The following CACNA1B variants were observed in gnomAD, a reference collection of about 807,000 sequenced individuals.
CACNA1B encodes calcium voltage-gated channel subunit alpha1 B.
CACNA1B carries 70 observed loss-of-function variants against 247.2 expected under a neutral mutation model. The observed-to-expected ratio is 0.28, with a 90% confidence interval of 0.23 to 0.35. The LOEUF is 0.35. Among genes scored for constraint, CACNA1B ranks in the 10% least tolerant of loss-of-function variants. CACNA1B has a pLI of 1.00. For synonymous variants in CACNA1B, 1,231 were observed against 1,294.4 expected (o/e 0.95, Z 1.05); for missense variants, 2,367 against 3,197.4 (o/e 0.74, Z 6.26).
At chr9:137,883,778 A>G (rs867347813) in intron 3 of CACNA1B, among the ~76,000 whole-genome samples, 2 of 152,104 alleles carry the variant, frequency 1.3e-5, no homozygotes, top group Non-Finnish European at 2.9e-5. Flanking sequence ...CCTGAGCCTT[A>G]TGGTTCCGAG....
intron 10 of CACNA1B, among the ~76,000 whole-genome samples, chr9:137,958,048 C>A (rs1957970561): frequency 1.3e-5 from 2 of 152,236 alleles, no homozygotes; most frequent in Admixed American, 1.3e-4. Flanking sequence ...TCCTCTCTAT[C>A]TGGTACCAGA....
intron 6 of CACNA1B, among the ~76,000 whole-genome samples, chr9:137,944,834 C>A (rs900874307): frequency 2.0e-4 from 30 of 152,144 alleles, no homozygotes; most frequent in Admixed American, 1.4e-3. Flanking sequence ...TTAGCTGGAA[C>A]CCCGAATTTT....
At chr9:138,042,005 A>G (rs1959130195) in intron 20 of CACNA1B, among the ~76,000 whole-genome samples, 1 of 152,280 alleles carries the variant, frequency 6.6e-6, no homozygotes, top group South Asian at 2.1e-4. Flanking sequence ...CCTGGACTCA[A>G]GGGATCCCTC....
chr9:138,067,017 A>G (rs7023278), intron 31 of CACNA1B, among the ~76,000 whole-genome samples: 24,134 of 152,162 alleles, frequency 0.16, 5,448 homozygotes, highest in African/African-American at 0.5. Context: ...AAAATACACG[A>G]TGTAAGGCAG....
chr9:138,061,898 A>C (rs1256139456), intron 31 of CACNA1B, among the ~76,000 whole-genome samples: 1 of 152,226 alleles, frequency 6.6e-6, no homozygotes, highest in African/African-American at 2.4e-5. Flanking sequence ...GTCAGTGGTC[A>C]TGACTGGATC....
At chr9:137,894,614 G>C (rs545673298) in intron 3 of CACNA1B, among the ~76,000 whole-genome samples, 1 of 151,888 alleles carries the variant, frequency 6.6e-6, no homozygotes, top group Non-Finnish European at 1.5e-5. Context: ...TTCACCGTGT[G>C]AGCCAGGATG....
At chr9:138,037,997 C>T (rs1959067800) in intron 20 of CACNA1B, among the ~76,000 whole-genome samples, 1 of 152,178 alleles carries the variant, frequency 6.6e-6, no homozygotes, top group South Asian at 2.1e-4. Flanking sequence ...ACCTCATTAA[C>T]TGCTTGGTTA....
chr9:137,984,104 C>A, intron 12 of CACNA1B, 34 bp from the exon 13 acceptor site: 3 of 1,466,894 alleles, frequency 2.0e-6, no homozygotes, highest in Non-Finnish European at 1.9e-6. Context: ...GGTGCAGATA[C>A]GGTGCACCCA....
chr9:137,948,054 C>A (rs1957818425), intron 6 of CACNA1B, among the ~76,000 whole-genome samples: 1 of 142,890 alleles, frequency 7.0e-6, no homozygotes, highest in Non-Finnish European at 1.5e-5. Flanking sequence ...AATCTCGGCT[C>A]ACTGCAAACT....
At chr9:137,985,439 A>AG (rs1049930985) in intron 13 of CACNA1B, among the ~76,000 whole-genome samples, 1 of 152,186 alleles carries the variant, frequency 6.6e-6, no homozygotes, top group African/African-American at 2.4e-5. Flanking sequence ...ATTTTCTCCC[A>AG]GGAAGTAGGT....
intron 3 of CACNA1B, chr9:137,892,686 T>C: frequency 3.1e-6 from 1 of 320,470 alleles, no homozygotes; most frequent in Non-Finnish European, 6.1e-6. Context: ...CGTCCAAGGG[T>C]GGGGGCTCCT....
Position 138,118,405 on chromosome 9 carries a change from G to A in CACNA1B, c.5914-247G>A, listed in dbSNP as rs1285243236. 3.6e-5 allele frequency among the ~76,000 whole-genome samples: 4 copies of A among 110,878 alleles called. No individual in the cohort carries two copies. In the Admixed American group the frequency reaches 3.7e-4, roughly 10 times the overall value. 72.7% of individuals were successfully genotyped at this position (110,878 alleles called of 152,430 possible). ...CATGTGAGACTAGGGTGGGGGACAT[G>A]TGAGACTTGGGTGGGGGATGTGTGA... On this transcript the variant is annotated intron_variant, in intron 43 of 46. Transcript: ENST00000371372.
chr9:137,986,437 G>T lies in CACNA1B; in HGVS notation c.1794G>T (p.Leu598=). 1 of 1,613,850 alleles carries T rather than the reference G, an allele frequency of 6.2e-7. No homozygotes were observed. Among genetic ancestry groups the T allele is most frequent in the Non-Finnish European group, 8.5e-7 (1 of 1,179,814 alleles). Residue 598 remains leucine, a synonymous_variant, in exon 14 of 47, where the codon CTG becomes CTT. Transcript: ENST00000371372. The surrounding 1 kb of genome is among the most constrained non-coding windows in gnomAD (Gnocchi z 6.0). ...VTKYWSSLRN[L]VVSLLNSMKS... is the part of the protein sequence containing the mutation. ...GGTACTGGAGCTCCCTGCGGAACCT[G>T]GTGGTGTCCCTGCTGAACTCCATGA...
chr9:137,960,053 G>A (rs542524314), intron 10 of CACNA1B, among the ~76,000 whole-genome samples: 3 of 150,192 alleles, frequency 2.0e-5, no homozygotes, highest in South Asian at 2.1e-4. Context: ...GAGGGACGCC[G>A]GGGCGGGGGA....
chr9:138,103,890 G>A (rs58949682), intron 38 of CACNA1B, among the ~76,000 whole-genome samples: 6,181 of 152,340 alleles, frequency 0.041, 428 homozygotes, highest in African/African-American at 0.14. Flanking sequence ...GCAGCCTGTG[G>A]GAGCCAAGTG....
intron 20 of CACNA1B, among the ~76,000 whole-genome samples, chr9:138,039,790 T>C (rs764846070): frequency 1.3e-5 from 2 of 152,204 alleles, no homozygotes; most frequent in South Asian, 2.1e-4. Context: ...TTGTTCTATA[T>C]GTGCTTCCGA....
chr9:138,082,419 A>G (rs1271088088), intron 36 of CACNA1B, among the ~76,000 whole-genome samples: 3 of 151,366 alleles, frequency 2.0e-5, no homozygotes, highest in African/African-American at 7.3e-5. Flanking sequence ...AGAAAAAGGA[A>G]TATGATGTAC....
At position 138,049,189 on chromosome 9, in the gene CACNA1B, C is replaced by A. The variant is rs199966093; in HGVS notation, c.3604-20C>A. The A allele has an allele frequency of 2.7e-6, 4 of 1,473,582 alleles. No homozygotes were observed. The highest frequency in any genetic ancestry group is 1.4e-5 in the African/African-American group (1 of 72,130). The allele number at this position is 1,473,582 out of a possible 1,614,324, so 91.3% of individuals were successfully genotyped here. A position where few individuals can be genotyped will look rare whatever the true frequency, so the allele number is the denominator to read the frequency against. ...CTTTTCTGGACTATGACGTATCTAA[C>A]GTGTGTTTCTCCCTCCTAGATGATC... On this transcript the variant is annotated intron_variant, in intron 23 of 46. Coordinates refer to ENST00000371372, the MANE Select transcript of CACNA1B (RefSeq NM_000718.4).
chr9:138,050,731 C>T lies in CACNA1B; in HGVS notation c.3711-1361C>T, dbSNP rs1959245288. Among the ~76,000 whole-genome samples, 2 of 152,134 alleles carry T rather than the reference C, an allele frequency of 1.3e-5. No individual in the cohort carries two copies. Among genetic ancestry groups the T allele is most frequent in the African/African-American group, 4.8e-5 (2 of 41,412 alleles). On this transcript the variant is annotated intron_variant, in intron 24 of 46. Coordinates refer to ENST00000371372, the MANE Select transcript of CACNA1B (RefSeq NM_000718.4). This position sits in a 1 kb window ranked among gnomAD's most constrained non-coding sequence, Gnocchi z 5.2. ...TTTACTGGGTGACAAAACAGTATCC[C>T]CTCCCTCCTGCTCCTGTCCCCTCTT...
Sources: gnomAD v4.1 joint callset for allele counts (sites outside exome capture counted in the v4.1 genomes callset) on GRCh38, gnomAD v4.1.1 for gene constraint, Gnocchi (gnomAD v3.1) non-coding constraint, MANE v1.5 for transcripts, NCBI Gene and HGNC (gene_info 2026-07-23, HGNC 2026-07-21) for gene names.